RELB: variants seen among roughly 807,000 people sequenced by gnomAD.
RELB encodes RELB proto-oncogene, NF-kB subunit, also known as transcription factor RelB.
A neutral mutation model predicts 55.4 loss-of-function variants in RELB; 14 were observed. The ratio of observed to expected loss-of-function variants is 0.25; its 90% CI spans 0.17 to 0.40. The LOEUF (loss-of-function observed/expected upper bound fraction) is 0.40, where lower values mean the gene tolerates loss of function less well. Among genes scored for constraint, RELB ranks in the 10% least tolerant of loss-of-function variants. The pLI is 1.00. For missense variants in RELB, 669 were observed against 830.7 expected, an observed-to-expected ratio of 0.81 and a Z score of 2.39; for synonymous variants, 409 against 371.3, an observed-to-expected ratio of 1.10 and a Z score of -1.17.
At chr19:45,011,705 C>T (rs912643252) in intron 3 of RELB, among the ~76,000 whole-genome samples, 3 of 148,078 alleles carry the variant, frequency 2.0e-5, no homozygotes, top group Non-Finnish European at 4.4e-5. Flanking sequence ...CCTTGGCCTC[C>T]CAAGGTGTTG....
chr19:45,035,333 A>G (rs1341105365), intron 11 of RELB, among the ~76,000 whole-genome samples: 1 of 151,676 alleles, frequency 6.6e-6, no homozygotes, highest in African/African-American at 2.4e-5. Context: ...AGCCTGGCCA[A>G]CGTGGTAAAA....
intron 4 of RELB, among the ~76,000 whole-genome samples, chr19:45,015,947 A>G (rs1028037563): frequency 2.0e-5 from 3 of 151,750 alleles, no homozygotes; most frequent in African/African-American, 7.3e-5. Context: ...TGTAGACAAT[A>G]TTACCTACCT....
At chr19:45,014,796 G>A (rs548601569) in intron 4 of RELB, among the ~76,000 whole-genome samples, 1 of 151,888 alleles carries the variant, frequency 6.6e-6, no homozygotes, top group East Asian at 1.9e-4. Flanking sequence ...TGGGATTACA[G>A]GTGTGAGCCA....
intron 4 of RELB, 30 bp downstream of exon 4, chr19:45,012,306 G>A: frequency 7.5e-7 from 1 of 1,331,630 alleles, no homozygotes; most frequent in Non-Finnish European, 9.7e-7. Context: ...CCGGGCGGGT[G>A]GGACTGGGGC....
At chr19:45,009,910 T>A in intron 3 of RELB, 88 bp downstream of exon 3, 2 of 1,024,316 alleles carry the variant, frequency 2.0e-6, no homozygotes, top group Non-Finnish European at 3.0e-6. Context: ...TCAGTGGGGG[T>A]GGGGGAGAGG....
At chr19:45,022,544 C>T (rs1424027998) in intron 5 of RELB, among the ~76,000 whole-genome samples, 3 of 126,692 alleles carry the variant, frequency 2.4e-5, no homozygotes, top group Non-Finnish European at 4.8e-5. Flanking sequence ...CTTTACAATT[C>T]ATCTTTTTTT....
intron 7 of RELB, among the ~76,000 whole-genome samples, chr19:45,028,324 G>A (rs1971581845): frequency 6.6e-6 from 1 of 151,656 alleles, no homozygotes; most frequent in African/African-American, 2.4e-5. Context: ...GCCTAGCAAA[G>A]GATCTTCTTT....
chr19:45,031,028 C>T (rs913195357), intron 8 of RELB, among the ~76,000 whole-genome samples: 1 of 152,090 alleles, frequency 6.6e-6, no homozygotes, highest in African/African-American at 2.4e-5. Flanking sequence ...TGTTGTGTGA[C>T]TTAGAGGCAA....
intron 7 of RELB, 108 bp from the exon 8 acceptor site, chr19:45,028,780 A>T: frequency 1.3e-6 from 1 of 783,760 alleles, no homozygotes; most frequent in Non-Finnish European, 2.1e-6. Context: ...TCAATTCCCT[A>T]CGTCTCCAGG....
At chr19:45,027,901 G>C (rs1478025221) in intron 7 of RELB, among the ~76,000 whole-genome samples, 2 of 151,940 alleles carry the variant, frequency 1.3e-5, no homozygotes, top group African/African-American at 4.8e-5. Context: ...TTTTTTTAGA[G>C]ATAGGGTCTC....
At position 45,001,645 on chromosome 19, in the gene RELB, C is replaced by T. The variant is rs1235583482; in HGVS notation, c.66C>T (p.Arg22=). 5 of 1,523,658 alleles carry T rather than the reference C, an allele frequency of 3.3e-6. No homozygotes were observed. Among genetic ancestry groups the T allele is most frequent in the Non-Finnish European group, 4.4e-6 (5 of 1,141,822 alleles). The allele number at this position is 1,523,658 out of a possible 1,614,324, so 94.4% of individuals were successfully genotyped here. The part of the protein sequence containing the change: ...VPTGRAMPSR[R]VARPPAAPEL... ...CTGGCCGGGCCATGCCGAGTCGCCG[C>T]GTCGCCAGACCGCCGGCTGCGCCGG... The change falls in exon 1 of 12, where the codon CGC becomes CGT. Residue 22 remains arginine, a synonymous_variant. Coordinates refer to ENST00000221452, the MANE Select transcript of RELB (RefSeq NM_006509.4).
intron 5 of RELB, 105 bp downstream of exon 5, chr19:45,022,315 C>A: frequency 8.9e-7 from 1 of 1,127,774 alleles, no homozygotes; most frequent in Non-Finnish European, 1.3e-6. Context: ...TGGGTAAACC[C>A]TCCCCACTGC....
chr19:45,014,949 C>CTGGA (rs1971405245), intron 4 of RELB, among the ~76,000 whole-genome samples: 1 of 146,676 alleles, frequency 6.8e-6, no homozygotes, highest in Non-Finnish European at 1.5e-5. Flanking sequence ...GTTGCCCAGG[C>CTGGA]TGGAGTGCAG....
At chr19:45,009,785 TTC>T in intron 2 of RELB, 27 bp from the exon 3 acceptor site, 1 of 1,593,562 alleles carries the variant, frequency 6.3e-7, no homozygotes, top group Middle Eastern at 1.7e-4. Flanking sequence ...GACCTTACCT[TTC>T]TCTTTCTCTT....
chr19:45,002,460 C>T (rs1971225239), intron 1 of RELB, among the ~76,000 whole-genome samples: 2 of 152,170 alleles, frequency 1.3e-5, no homozygotes, highest in South Asian at 4.1e-4. Flanking sequence ...TCAAGCAGTT[C>T]TCCTGCCTCA....
intron 7 of RELB, 22 bp downstream of exon 7, chr19:45,025,759 C>A: frequency 1.2e-6 from 2 of 1,613,552 alleles, no homozygotes; most frequent in South Asian, 1.1e-5. Flanking sequence ...GTGCTGTGGC[C>A]GTTAGGATTG....
chr19:45,022,824 C>G (rs1228441423), intron 5 of RELB, among the ~76,000 whole-genome samples: 1 of 152,186 alleles, frequency 6.6e-6, no homozygotes, highest in Non-Finnish European at 1.5e-5. Flanking sequence ...GCTGGGATTA[C>G]AGGCATGAGC....
intron 5 of RELB, among the ~76,000 whole-genome samples, chr19:45,022,996 T>C (rs1393905826): frequency 1.3e-5 from 2 of 152,212 alleles, no homozygotes; most frequent in Non-Finnish European, 2.9e-5. Context: ...CACTTCACTG[T>C]GTTACACTGA....
At position 45,034,477 on chromosome 19, in the gene RELB, C is replaced by T. The variant is rs771345208; in HGVS notation, c.1303C>T (p.Arg435Trp). 8 of 1,611,194 alleles carry T rather than the reference C, an allele frequency of 5.0e-6. No individual in the cohort carries two copies. The highest frequency in any genetic ancestry group is 1.7e-5 in the Admixed American group (1 of 59,536). The change falls in exon 11 of 12, where the codon CGG becomes TGG. Residue 435 changes from arginine to tryptophan, a missense_variant. Physicochemically the swap from Arg to Trp is moderately radical, Grantham distance 101 (BLOSUM62 -3). Around this residue, in one of 3 missense-constraint regions of RELB, gnomAD observed 341 missense variants for 436.8 expected, o/e 0.78. Transcript: ENST00000221452. Reference sequence around the variant, plus strand: ...CCCCCATGGCATCGAGAGCAAACGGCGGAAGAAAAAGCCGGCCATCCTGGA... The same window carrying T: ...CCCCCATGGCATCGAGAGCAAACGGTGGAAGAAAAAGCCGGCCATCCTGGA... ...SDPHGIESKRRKKKPAILDHF... is the reference protein window; with the variant it reads ...SDPHGIESKRWKKKPAILDHF...
Sources: gnomAD v4.1 joint callset for allele counts (sites outside exome capture counted in the v4.1 genomes callset) on GRCh38, gnomAD v4.1.1 for gene constraint, gnomAD v4.1.1 regional missense constraint, MANE v1.5 for transcripts, NCBI Gene and HGNC (gene_info 2026-07-23, HGNC 2026-07-21) for gene names.